TSG101: variants seen among roughly 807,000 people sequenced by gnomAD.
The protein encoded by TSG101 is tumor susceptibility gene 101 protein.
In TSG101, 19 loss-of-function variants were observed where a neutral mutation model predicts 48.5. The observed-to-expected ratio is 0.39, with a 90% CI of 0.27 to 0.58. The LOEUF is 0.58. TSG101 is among the 20% of genes least tolerant of loss of function. The pLI, the probability that TSG101 is intolerant of heterozygous loss-of-function variation, is 0.55. For synonymous variants in TSG101, 174 were observed against 169.4 expected, an observed-to-expected ratio of 1.03 and a Z score of -0.21; for missense variants, 365 against 484.4, an observed-to-expected ratio of 0.75 and a Z score of 2.31.
intron 6 of TSG101, among the ~76,000 whole-genome samples, chr11:18,504,522 T>C (rs895805487): frequency 1.3e-5 from 2 of 152,230 alleles, no homozygotes; most frequent in Non-Finnish European, 2.9e-5. Flanking sequence ...TAATCCATGC[T>C]ATAATGCTGT....
intron 2 of TSG101, among the ~76,000 whole-genome samples, chr11:18,518,299 C>G (rs765775714): frequency 9.9e-5 from 15 of 152,162 alleles, no homozygotes; most frequent in Admixed American, 3.3e-4. Flanking sequence ...CTTCCCACCT[C>G]TCTTCACCAG....
At chr11:18,499,089 T>C (rs2133915074) in intron 7 of TSG101, among the ~76,000 whole-genome samples, 1 of 150,080 alleles carries the variant, frequency 6.7e-6, no homozygotes, top group East Asian at 2.0e-4. Flanking sequence ...GGAGAAGAGG[T>C]ACTGAAGATA....
At chr11:18,526,239 G>GA (rs1470976923) in intron 1 of TSG101, among the ~76,000 whole-genome samples, 2 of 152,036 alleles carry the variant, frequency 1.3e-5, no homozygotes, top group Admixed American at 1.3e-4. Context: ...GTTACTCTTA[G>GA]AAAATCCCTG....
chr11:18,480,563 G>C lies in TSG101; in HGVS notation c.1156C>G (p.Leu386Val). 6.2e-7 allele frequency: 1 copy of C among 1,613,774 alleles called. No individual in the cohort carries two copies. The highest frequency in any genetic ancestry group is 8.5e-7 in the Non-Finnish European group (1 of 1,179,826). Residue 386 changes from leucine (L) to valine (V), a missense_variant, in exon 10 of 10, where the codon CTC (leucine) becomes GTC (valine). Transcript: ENST00000251968. ...LMQKARKTAGLSDLY is the reference protein window; with the variant it reads ...LMQKARKTAGVSDLY ...CAGAGAAGTCAGTAGAGGTCACTGA[G>C]ACCGGCAGTCTTTCTTGCTTTTTGC...
At chr11:18,491,055 G>A in intron 7 of TSG101, 1 of 176,378 alleles carries the variant, frequency 5.7e-6, no homozygotes, top group Admixed American at 6.1e-5. Context: ...GGCAGCGGTG[G>A]CGGTGCCTGC....
intron 4 of TSG101, among the ~76,000 whole-genome samples, chr11:18,512,290 C>T (rs867598544): frequency 6.6e-6 from 1 of 152,072 alleles, no homozygotes. Flanking sequence ...CCTGTAATCC[C>T]AGCTACTCAG....
chr11:18,486,887 G>A (rs1849627850), intron 7 of TSG101, among the ~76,000 whole-genome samples: 1 of 151,894 alleles, frequency 6.6e-6, no homozygotes, highest in African/African-American at 2.4e-5. Flanking sequence ...AACAATGATA[G>A]ACTGGATTAA....
chr11:18,507,309 C>G (rs1229687752), intron 5 of TSG101, among the ~76,000 whole-genome samples: 1 of 152,110 alleles, frequency 6.6e-6, no homozygotes, highest in Non-Finnish European at 1.5e-5. Flanking sequence ...TTTGATATTT[C>G]TTTTATAACT....
intron 6 of TSG101, among the ~76,000 whole-genome samples, chr11:18,504,984 T>C (rs1465924921): frequency 6.6e-6 from 1 of 152,190 alleles, no homozygotes; most frequent in African/African-American, 2.4e-5. Context: ...TCTGCTTACC[T>C]ATCCAAAGTG....
rs374612103 is a variant in TSG101, at chr11:18,481,902, G to A, written c.844-33C>T. 6.5e-4 allele frequency: 1,046 copies of A among 1,603,138 alleles called. 1 individual carries two copies. The highest frequency in any genetic ancestry group is 7.9e-4 in the Non-Finnish European group (929 of 1,176,228). On this transcript the variant is annotated intron_variant, in intron 8 of 9. Transcript: ENST00000251968. ...CAGAACAGTCCAAGCATTAATAACT[G>A]TACATAATTATCCACTTGTCAGACA... is the stretch of plus-strand genomic sequence containing the variant.
chr11:18,514,668 G>T lies in TSG101; in HGVS notation c.357+10C>A, dbSNP rs12574333. On this transcript the variant is annotated intron_variant, in intron 4 of 9. Coordinates refer to ENST00000251968, the MANE Select transcript of TSG101 (RefSeq NM_006292.4). Reference sequence around the variant, plus strand: ...ACATAACTAATTCACAGAACACTATGAATACTTACGTGTTTCCATTCATGT... The same window carrying T: ...ACATAACTAATTCACAGAACACTATTAATACTTACGTGTTTCCATTCATGT... 0.18 allele frequency: 283,915 copies of T among 1,550,684 alleles called. 29,950 individuals carry two copies. Among genetic ancestry groups the T allele is most frequent in the East Asian group, 0.45 (19,081 of 42,618 alleles).
intron 7 of TSG101, among the ~76,000 whole-genome samples, chr11:18,488,137 A>G (rs1452015511): frequency 2.0e-5 from 3 of 152,254 alleles, no homozygotes; most frequent in Non-Finnish European, 2.9e-5. Context: ...GCAAGAAAAG[A>G]GCTACCAGAT....
intron 7 of TSG101, among the ~76,000 whole-genome samples, chr11:18,494,051 A>C (rs1004054770): frequency 6.6e-6 from 1 of 152,240 alleles, no homozygotes; most frequent in Non-Finnish European, 1.5e-5. Flanking sequence ...CAGCAGGTTT[A>C]CACTTCTTGA....
chr11:18,515,410 A>C (rs1850154330), intron 3 of TSG101, among the ~76,000 whole-genome samples: 1 of 152,212 alleles, frequency 6.6e-6, no homozygotes, highest in Non-Finnish European at 1.5e-5. Context: ...ATAATTAACA[A>C]ACAGAGCTGT....
At chr11:18,482,541 A>C (rs1849556529) in intron 8 of TSG101, among the ~76,000 whole-genome samples, 1 of 152,238 alleles carries the variant, frequency 6.6e-6, no homozygotes, top group African/African-American at 2.4e-5. Context: ...TGGGGATGAA[A>C]ATGGAGCGTG....
intron 1 of TSG101, among the ~76,000 whole-genome samples, chr11:18,525,897 T>C (rs1850364811): frequency 6.6e-6 from 1 of 152,238 alleles, no homozygotes; most frequent in Admixed American, 6.5e-5. Context: ...TGTGTTTTAT[T>C]AAAAATTGAA....
At chr11:18,510,258 T>C (rs560442010) in intron 4 of TSG101, among the ~76,000 whole-genome samples, 2 of 151,880 alleles carry the variant, frequency 1.3e-5, no homozygotes, top group African/African-American at 4.8e-5. Flanking sequence ...CCATCTCTAC[T>C]AAAAACACAA....
chr11:18,504,194 C>A (rs1590280310), intron 6 of TSG101, among the ~76,000 whole-genome samples: 1 of 144,920 alleles, frequency 6.9e-6, no homozygotes, highest in Non-Finnish European at 1.5e-5. Flanking sequence ...AGTGAAGCCC[C>A]CATCTCAAAA....
chr11:18,520,239 T>C (rs1850247032), intron 1 of TSG101, among the ~76,000 whole-genome samples: 1 of 152,214 alleles, frequency 6.6e-6, no homozygotes, highest in African/African-American at 2.4e-5. Flanking sequence ...TTTATTTATT[T>C]TGGAGACAGG....
Sources: allele counts gnomAD v4.1 joint callset (sites outside exome capture counted in the v4.1 genomes callset), GRCh38; gene constraint gnomAD v4.1.1; transcripts MANE v1.5; gene names NCBI Gene and HGNC (gene_info 2026-07-23, HGNC 2026-07-21).